GOLM2: variants seen among roughly 807,000 people sequenced by gnomAD.
The protein encoded by GOLM2 is golgi membrane protein 2, also known as protein GOLM2.
In GOLM2, 26 loss-of-function variants were observed where a neutral mutation model predicts 55.9. The observed-to-expected ratio is 0.47, with a 90% CI of 0.34 to 0.65. The LOEUF (loss-of-function observed/expected upper bound fraction) is 0.65. GOLM2 is among the 30% of genes least tolerant of loss of function. The pLI, the probability that GOLM2 is intolerant of heterozygous loss-of-function variation, is 0.01. For missense variants in GOLM2, 486 were observed against 531.8 expected (o/e 0.91, Z 0.85); for synonymous variants, 165 against 194.6 (o/e 0.85, Z 1.27).
intron 1 of GOLM2, among the ~76,000 whole-genome samples, chr15:44,310,458 A>G: frequency 7.4e-6 from 1 of 135,630 alleles, no homozygotes; most frequent in South Asian, 2.4e-4. Flanking sequence ...CTCTCTCTAT[A>G]TATATATATA....
At chr15:44,341,318 G>A (rs145874053) in intron 6 of GOLM2, among the ~76,000 whole-genome samples, 4,503 of 151,980 alleles carry the variant, frequency 0.03, 106 homozygotes, top group East Asian at 0.1. Context: ...CCAACCTTGT[G>A]ATCCGCCTGC....
At chr15:44,337,281 C>T (rs374392239) in intron 4 of GOLM2, among the ~76,000 whole-genome samples, 18 of 152,018 alleles carry the variant, frequency 1.2e-4, no homozygotes, top group East Asian at 1.2e-3. Context: ...TGCTGTGTTT[C>T]GGTGGCCAGC....
chr15:44,358,127 G>A (rs1393573524), intron 6 of GOLM2, among the ~76,000 whole-genome samples: 1 of 152,218 alleles, frequency 6.6e-6, no homozygotes, highest in Non-Finnish European at 1.5e-5. Flanking sequence ...GCCAAGGCAG[G>A]CAGATCACCT....
chr15:44,308,891 G>C (rs1397160322), intron 1 of GOLM2, among the ~76,000 whole-genome samples: 1 of 152,166 alleles, frequency 6.6e-6, no homozygotes, highest in Non-Finnish European at 1.5e-5. Flanking sequence ...TCATATATCT[G>C]ATAAGGGTTA....
intron 3 of GOLM2, among the ~76,000 whole-genome samples, chr15:44,330,965 C>CTA (rs750408638): frequency 1.9e-4 from 29 of 151,748 alleles, no homozygotes; most frequent in South Asian, 4.2e-4. Context: ...TAAGATACTA[C>CTA]TATATATATA....
intron 1 of GOLM2, among the ~76,000 whole-genome samples, chr15:44,294,761 C>T (rs939805561): frequency 9.3e-5 from 14 of 149,840 alleles, no homozygotes; most frequent in African/African-American, 2.2e-4. Context: ...AAAAATTAAC[C>T]GGGCATGGTG....
chr15:44,293,967 T>G (rs761965523), intron 1 of GOLM2, among the ~76,000 whole-genome samples: 29 of 152,222 alleles, frequency 1.9e-4, no homozygotes, highest in Non-Finnish European at 1.0e-4. Context: ...TGTATCGGTA[T>G]GGACTCATGG....
At chr15:44,396,654 C>T (rs902945325) in intron 8 of GOLM2, among the ~76,000 whole-genome samples, 5 of 151,926 alleles carry the variant, frequency 3.3e-5, no homozygotes, top group African/African-American at 9.7e-5. Flanking sequence ...TGTTGTTTAG[C>T]GTGAATTGAA....
At chr15:44,386,130 TC>T (rs1302866006) in intron 8 of GOLM2, among the ~76,000 whole-genome samples, 12 of 152,182 alleles carry the variant, frequency 7.9e-5, no homozygotes, top group Non-Finnish European at 1.5e-4. Context: ...AATGAAGATT[TC>T]CCCCTGTGTT....
At chr15:44,406,175 C>T (rs140961319) in intron 9 of GOLM2, among the ~76,000 whole-genome samples, 5,620 of 152,034 alleles carry the variant, frequency 0.037, 139 homozygotes, top group Non-Finnish European at 0.057. Context: ...CCAAGGCAGG[C>T]GGATCACCTG....
chr15:44,401,393 T>C (rs932644494), intron 8 of GOLM2, among the ~76,000 whole-genome samples: 2 of 152,026 alleles, frequency 1.3e-5, no homozygotes, highest in African/African-American at 4.8e-5. Flanking sequence ...GCCTCCTGAG[T>C]ATCTGAGACT....
At chr15:44,312,556 A>G (rs2078881463) in intron 1 of GOLM2, among the ~76,000 whole-genome samples, 2 of 152,110 alleles carry the variant, frequency 1.3e-5, no homozygotes, top group Non-Finnish European at 2.9e-5. Flanking sequence ...TCTGGATCCA[A>G]TGTCTTCCAT....
chr15:44,395,972 A>ATTATTTATAGG (rs1328390992), intron 8 of GOLM2, among the ~76,000 whole-genome samples: 6 of 152,236 alleles, frequency 3.9e-5, no homozygotes, highest in Non-Finnish European at 7.3e-5. Context: ...GGTCAGTGAT[A>ATTATTTATAGG]CCATGTAGAC....
chr15:44,408,055 G>C (rs2079609846), intron 9 of GOLM2, among the ~76,000 whole-genome samples: 1 of 152,146 alleles, frequency 6.6e-6, no homozygotes, highest in Non-Finnish European at 1.5e-5. Flanking sequence ...AGCCATGGTA[G>C]CGCTTTCTTT....
intron 6 of GOLM2, among the ~76,000 whole-genome samples, chr15:44,360,260 A>G (rs910639416): frequency 3.3e-5 from 5 of 152,200 alleles, no homozygotes; most frequent in Non-Finnish European, 7.3e-5. Flanking sequence ...AGACTGGCAA[A>G]TTGGATAAAG....
rs72717937 is a variant in GOLM2, at chr15:44,329,546, C to T, written c.485+759C>T. On this transcript the variant is annotated intron_variant, in intron 3 of 9. Coordinates refer to ENST00000299957, the MANE Select transcript of GOLM2 (RefSeq NM_138423.4). Reference sequence around the variant, plus strand: ...ATTCTAGCATATTAATGTACCAAAACTTCTTTAGTCTCTTCCAATTGTGGG... The same window carrying T: ...ATTCTAGCATATTAATGTACCAAAATTTCTTTAGTCTCTTCCAATTGTGGG... 3.8e-3 allele frequency among the ~76,000 whole-genome samples: 586 copies of T among 152,216 alleles called. 3 individuals are homozygous for T. The highest frequency in any genetic ancestry group is 5.6e-3 in the Admixed American group (86 of 15,284).
At chr15:44,342,778 A>G (rs556601040) in intron 6 of GOLM2, among the ~76,000 whole-genome samples, 34 of 152,328 alleles carry the variant, frequency 2.2e-4, no homozygotes, top group African/African-American at 7.9e-4. Flanking sequence ...AGCTCCCTAC[A>G]TGCTGCCTTG....
At chr15:44,396,375 T>A (rs998111770) in intron 8 of GOLM2, among the ~76,000 whole-genome samples, 8 of 152,124 alleles carry the variant, frequency 5.3e-5, no homozygotes, top group African/African-American at 1.2e-4. Context: ...AATTTTTTTT[T>A]AATAAAACAT....
chr15:44,392,695 A>G (rs1215691214), intron 8 of GOLM2, among the ~76,000 whole-genome samples: 1 of 152,122 alleles, frequency 6.6e-6, no homozygotes, highest in African/African-American at 2.4e-5. Flanking sequence ...TATATACATG[A>G]TGACCATGTT....
Sources: gnomAD v4.1 joint callset for allele counts (sites outside exome capture counted in the v4.1 genomes callset) on GRCh38, gnomAD v4.1.1 for gene constraint, MANE v1.5 for transcripts, NCBI Gene and HGNC (gene_info 2026-07-23, HGNC 2026-07-21) for gene names.